The following ESRRG variants were observed in gnomAD, a reference collection of about 807,000 sequenced individuals.
ESRRG encodes the protein estrogen-related receptor gamma.
ESRRG carries 13 observed loss-of-function variants against 44.0 expected under a neutral mutation model. The ratio of observed to expected loss-of-function variants is 0.30; its 90% CI spans 0.19 to 0.47. The LOEUF (loss-of-function observed/expected upper bound fraction) is 0.47, where lower values mean the gene tolerates loss of function less well. ESRRG is among the 20% of genes least tolerant of loss of function. The pLI is 1.00. For missense variants in ESRRG, 395 were observed against 580.6 expected (o/e 0.68, Z 3.29); for synonymous variants, 215 against 214.6 (o/e 1.00, Z -0.02).
At chr1:217,006,891 C>T (rs563134494) in intron 1 of ESRRG, among the ~76,000 whole-genome samples, 2 of 152,092 alleles carry the variant, frequency 1.3e-5, no homozygotes, top group Non-Finnish European at 2.9e-5. Flanking sequence ...ATTTAGTAAA[C>T]TGAACTGTGG....
intron 5 of ESRRG, among the ~76,000 whole-genome samples, chr1:216,534,169 C>A (rs113457444): frequency 2.3e-4 from 35 of 152,238 alleles, no homozygotes; most frequent in Middle Eastern, 3.4e-3. Flanking sequence ...GTTGCTCCCA[C>A]GAAGGCCACC....
intron 1 of ESRRG, among the ~76,000 whole-genome samples, chr1:216,972,709 C>G (rs183584851): frequency 2.6e-5 from 4 of 152,150 alleles, no homozygotes; most frequent in Non-Finnish European, 5.9e-5. Flanking sequence ...TGGCTGCATA[C>G]GCTTAGTCAG....
intron 1 of ESRRG, among the ~76,000 whole-genome samples, chr1:216,967,173 C>A (rs1281769412): frequency 6.6e-6 from 1 of 151,960 alleles, no homozygotes; most frequent in Non-Finnish European, 1.5e-5. Context: ...AGCATCGCCC[C>A]CCCTCCCCAT....
chr1:216,587,338 T>C (rs187768227), intron 3 of ESRRG, among the ~76,000 whole-genome samples: 379 of 152,306 alleles, frequency 2.5e-3, no homozygotes, highest in African/African-American at 8.3e-3. Flanking sequence ...ATAGCAATTT[T>C]ATAGTAATCT....
chr1:216,741,244 A>G (rs2090669166), intron 2 of ESRRG, among the ~76,000 whole-genome samples: 1 of 137,884 alleles, frequency 7.3e-6, no homozygotes, highest in South Asian at 2.2e-4. Flanking sequence ...TATAATTTAT[A>G]TTATATAATT....
chr1:217,082,527 T>G (rs2091836057), intron 1 of ESRRG, among the ~76,000 whole-genome samples: 1 of 152,206 alleles, frequency 6.6e-6, no homozygotes, highest in South Asian at 2.1e-4. Context: ...AAGCCTTTTC[T>G]CATAACACAC....
At chr1:216,547,537 C>T (rs967697832) in intron 5 of ESRRG, among the ~76,000 whole-genome samples, 1 of 152,054 alleles carries the variant, frequency 6.6e-6, no homozygotes, top group Non-Finnish European at 1.5e-5. Context: ...AATGGGGCTG[C>T]ACATACACGT....
At chr1:216,839,709 T>A (rs12083036) in intron 2 of ESRRG, among the ~76,000 whole-genome samples, 5,111 of 144,850 alleles carry the variant, frequency 0.035, 302 homozygotes, top group African/African-American at 0.12. Flanking sequence ...CTTCATGTAT[T>A]TTTCATTCAT....
chr1:216,858,390 T>C (rs1489402903), intron 2 of ESRRG, among the ~76,000 whole-genome samples: 1 of 152,064 alleles, frequency 6.6e-6, no homozygotes, highest in African/African-American at 2.4e-5. Flanking sequence ...TGAGCTGAGA[T>C]TGTACCATTG....
intron 1 of ESRRG, among the ~76,000 whole-genome samples, chr1:216,994,134 T>A (rs2076068374): frequency 6.6e-6 from 1 of 152,208 alleles, no homozygotes. Flanking sequence ...GTAGGTTATT[T>A]AAAATGTATC....
Position 216,913,498 on chromosome 1 carries a change from T to C in ESRRG, c.-14+26084A>G, listed in dbSNP as rs139012436. On this transcript the variant is annotated intron_variant, in intron 2 of 7. Coordinates refer to the ESRRG transcript ENST00000359162. ...AAGGAAAGTGTAGAAAACATTATGT[T>C]TAATATTTAGGGTTTAAAATAATGT... 9.8e-5 allele frequency among the ~76,000 whole-genome samples: 15 copies of C among 152,316 alleles called. No individual in the cohort carries two copies. The East Asian group carries it at 2.9e-3, about 29-fold the overall frequency.
chr1:216,974,789 C>T (rs1578915661), intron 1 of ESRRG, among the ~76,000 whole-genome samples: 2 of 152,122 alleles, frequency 1.3e-5, no homozygotes, highest in East Asian at 1.9e-4. Context: ...GTCTCTTTCC[C>T]TCCCCACCCC....
intron 1 of ESRRG, among the ~76,000 whole-genome samples, chr1:217,089,205 G>A (rs2092278207): frequency 6.6e-6 from 1 of 152,042 alleles, no homozygotes; most frequent in African/African-American, 2.4e-5. Context: ...CTCTATCCAG[G>A]AAGGGGGATG....
At chr1:216,926,781 G>A (rs186842873) in intron 2 of ESRRG, among the ~76,000 whole-genome samples, 210 of 152,256 alleles carry the variant, frequency 1.4e-3, no homozygotes, top group African/African-American at 4.9e-3. Flanking sequence ...CAGTGTAGGT[G>A]ACAAAAAAGC....
At chr1:216,778,273 A>T (rs78975214) in intron 2 of ESRRG, among the ~76,000 whole-genome samples, 11,767 of 152,034 alleles carry the variant, frequency 0.077, 568 homozygotes, top group Middle Eastern at 0.14. Context: ...CCAAAGTTCA[A>T]ATGCCTCTTC....
rs201640722 is a variant in ESRRG, at chr1:216,675,527, A to G, written c.472+1549T>C. Among the ~76,000 whole-genome samples the G allele has an allele frequency of 4.5e-4, 69 of 152,316 alleles. 1 individual carries two copies. In the East Asian group the frequency reaches 8.1e-3, roughly 18 times the overall value. ...TCACAAAATTATGAAGGCTCCACAT[A>G]AATTAGTTTCAGTTCTGTCCAGCAA... On this transcript the variant is annotated intron_variant, in intron 2 of 6. Coordinates refer to ENST00000408911, the MANE Select transcript of ESRRG (RefSeq NM_001438.4).
chr1:217,018,364 C>T (rs188086195), intron 1 of ESRRG, among the ~76,000 whole-genome samples: 2 of 152,262 alleles, frequency 1.3e-5, no homozygotes, highest in East Asian at 1.9e-4. Context: ...CCAACCCATC[C>T]TCCACCTAGC....
At chr1:216,784,388 TG>T (rs1374350292) in intron 2 of ESRRG, among the ~76,000 whole-genome samples, 3 of 152,202 alleles carry the variant, frequency 2.0e-5, no homozygotes, top group Non-Finnish European at 4.4e-5. Context: ...ATTCTCTATC[TG>T]AGTTACTTCT....
intron 2 of ESRRG, among the ~76,000 whole-genome samples, chr1:216,896,723 C>A (rs1463049902): frequency 2.6e-5 from 4 of 152,118 alleles, no homozygotes; most frequent in African/African-American, 9.7e-5. Context: ...TGCAAATACA[C>A]TTCCAATAAG....
Sources: allele counts gnomAD v4.1 joint callset (sites outside exome capture counted in the v4.1 genomes callset), GRCh38; gene constraint gnomAD v4.1.1; transcripts MANE v1.5; gene names NCBI Gene and HGNC (gene_info 2026-07-23, HGNC 2026-07-21).